TTLL10: variants seen among roughly 807,000 people sequenced by gnomAD.
TTLL10 encodes tubulin tyrosine ligase like 10.
A neutral mutation model predicts 69.0 loss-of-function variants in TTLL10; 61 were observed. The observed-to-expected ratio is 0.88, with a 90% CI of 0.72 to 1.09. The LOEUF (loss-of-function observed/expected upper bound fraction) is 1.09, where lower values mean the gene tolerates loss of function less well. TTLL10 is among the 50% of genes least tolerant of loss of function. TTLL10 has a pLI of 0.00. For synonymous variants in TTLL10, 408 were observed against 393.3 expected, an observed-to-expected ratio of 1.04 and a Z score of -0.44; for missense variants, 962 against 945.9, an observed-to-expected ratio of 1.02 and a Z score of -0.22.
chr1:1,192,012 G>A (rs1016739409), intron 13 of TTLL10, among the ~76,000 whole-genome samples: 3 of 152,238 alleles, frequency 2.0e-5, no homozygotes, highest in Non-Finnish European at 2.9e-5. Flanking sequence ...GGGCGTTAGG[G>A]CCATTGTGAA....
At chr1:1,186,857 T>G (rs1261287879) in intron 13 of TTLL10, among the ~76,000 whole-genome samples, 1 of 151,596 alleles carries the variant, frequency 6.6e-6, no homozygotes, top group Non-Finnish European at 1.5e-5. Flanking sequence ...TTTGTTTTTT[T>G]TTTTTTGAGA....
intron 13 of TTLL10, among the ~76,000 whole-genome samples, chr1:1,190,096 A>G (rs755012307): frequency 5.3e-5 from 8 of 149,596 alleles, no homozygotes; most frequent in Non-Finnish European, 1.2e-4. Context: ...TGGGGGACAG[A>G]GCGAGACCCC....
At position 1,197,780 on chromosome 1, in the gene TTLL10, C is replaced by A; in HGVS notation, c.1955C>A (p.Pro652Gln). The A allele has an allele frequency of 6.5e-7, 1 of 1,533,018 alleles. No homozygotes were observed. The highest frequency in any genetic ancestry group is 8.8e-7 in the Non-Finnish European group (1 of 1,141,304). The allele number at this position is 1,533,018 out of a possible 1,614,324, so 95.0% of individuals were successfully genotyped here. The change falls in exon 16 of 16, where the codon CCG becomes CAG. Residue 652 changes from proline (P) to glutamine (Q), a missense_variant. Transcript: ENST00000379289. ...CAGTCGGGCACAGGCAACAGGCACC[C>A]GGCGCAAGAGCCTTCCCCGGGGACA... ...TEQSGTGNRH[P>Q]AQEPSPGTAK... is the part of the protein sequence containing the mutation.
At position 1,192,798 on chromosome 1, in the gene TTLL10, ATGAGTGTAGACACTCCAGTTGG is replaced by A. The variant is rs1486892121; in HGVS notation, c.1402-3800_1402-3779del. 2.5e-5 allele frequency among the ~76,000 whole-genome samples: 3 copies of A among 120,172 alleles called. No homozygotes were observed. In the East Asian group the frequency reaches 1.6e-3, roughly 65 times the overall value. The allele number at this position is 120,172 out of a possible 152,430, so 78.8% of individuals were successfully genotyped here. ...TATCAGTGTAGACACTCCAGTTGGTATGAGTGTAGACACTCCAGTTGGTATGAGTGTAGACACTCCAGTTGGT... is the reference window on the plus strand; with the variant it reads ...TATCAGTGTAGACACTCCAGTTGGTATATGAGTGTAGACACTCCAGTTGGT... On this transcript the variant is annotated intron_variant, in intron 13 of 15. Transcript: ENST00000379289.
intron 13 of TTLL10, 51 bp from the exon 14 acceptor site, chr1:1,196,549 G>A: frequency 7.2e-7 from 1 of 1,388,700 alleles, no homozygotes; most frequent in Non-Finnish European, 1.0e-6. Flanking sequence ...GACCTGGGGT[G>A]TGATCAGGGC....
At chr1:1,189,837 G>A (rs762136526) in intron 13 of TTLL10, among the ~76,000 whole-genome samples, 4 of 152,118 alleles carry the variant, frequency 2.6e-5, no homozygotes, top group Non-Finnish European at 4.4e-5. Context: ...ATTTCACCAG[G>A]CACGGTGGCT....
rs912238171 is a variant in TTLL10, at chr1:1,185,218, C to T, written c.1401+109C>T. ...TGTCCGTGGCGTGCGTGGGCGGCTG[C>T]GCTGAAGTGTGACCTGACCGTGTGG... On this transcript the variant is annotated intron_variant, in intron 13 of 15. Coordinates refer to ENST00000379289, the MANE Select transcript of TTLL10 (RefSeq NM_001130045.2). This position sits in a 1 kb window ranked among gnomAD's most constrained non-coding sequence, Gnocchi z 6.1. The T allele has an allele frequency of 6.6e-6, 10 of 1,525,436 alleles. No individual in the cohort carries two copies. The highest frequency in any genetic ancestry group is 1.9e-4 in the Middle Eastern group (1 of 5,202). 94.5% of individuals were successfully genotyped at this position (1,525,436 alleles called of 1,614,324 possible). A position where few individuals can be genotyped will look rare whatever the true frequency, so the allele number is the denominator to read the frequency against.
At chr1:1,194,898 C>G (rs923914907) in intron 13 of TTLL10, among the ~76,000 whole-genome samples, 4 of 152,194 alleles carry the variant, frequency 2.6e-5, no homozygotes, top group Admixed American at 6.5e-5. Flanking sequence ...TTTCTCTTCT[C>G]TCCTTCTGGG....
intron 13 of TTLL10, among the ~76,000 whole-genome samples, chr1:1,187,437 C>T (rs1320961549): frequency 6.6e-6 from 1 of 152,080 alleles, no homozygotes; most frequent in Non-Finnish European, 1.5e-5. Context: ...CAAGACCAGC[C>T]TGACCAATAT....
chr1:1,187,777 C>A (rs551966939), intron 13 of TTLL10, among the ~76,000 whole-genome samples: 1 of 151,736 alleles, frequency 6.6e-6, no homozygotes, highest in Non-Finnish European at 1.5e-5. Context: ...TGGTGGCGTG[C>A]ACCTGTAGTC....
intron 14 of TTLL10, 141 bp from the exon 15 acceptor site, chr1:1,196,952 T>C: frequency 1.1e-6 from 1 of 875,228 alleles, no homozygotes; most frequent in Non-Finnish European, 1.8e-6. Context: ...CCCTCAGAGC[T>C]TCAGTGGACA....
Position 1,197,824 on chromosome 1 carries a change from G to A in TTLL10, c.1999G>A (p.Glu667Lys), listed in dbSNP as rs1020191830. 6.0e-5 allele frequency: 91 copies of A among 1,507,372 alleles called. No homozygotes were observed. The highest frequency in any genetic ancestry group is 7.9e-5 in the Non-Finnish European group (89 of 1,127,088). 93.4% of individuals were successfully genotyped at this position (1,507,372 alleles called of 1,614,324 possible). ...GGGGACAGCCAAGGAGGAACGCGAG[G>A]AGCCTGAGAACGCGAGGCCCTAGGG... ...SPGTAKEERE[E>K]PENARP Residue 667 changes from glutamate to lysine, a missense_variant, in exon 16 of 16, where the codon GAG (glutamate) becomes AAG (lysine). Coordinates refer to ENST00000379289, the MANE Select transcript of TTLL10 (RefSeq NM_001130045.2).
chr1:1,186,409 G>A (rs185443619), intron 13 of TTLL10, among the ~76,000 whole-genome samples: 19 of 152,218 alleles, frequency 1.2e-4, no homozygotes, highest in East Asian at 5.8e-4. Flanking sequence ...TTCATACAAC[G>A]TTCCGTCATA....
rs920162735 is a variant in TTLL10, at chr1:1,179,173, G to A, written c.-27-16G>A. On this transcript the variant is annotated splice_polypyrimidine_tract_variant and intron_variant, in intron 3 of 15. Coordinates refer to ENST00000379289, the MANE Select transcript of TTLL10 (RefSeq NM_001130045.2). ...GGAGGTCCCACAGGAGGGTCAGAGC[G>A]GCATCTTCCCTTCAGGGCCCTCGCC... is the stretch of plus-strand genomic sequence containing the variant. 15 of 1,476,190 alleles carry A rather than the reference G, an allele frequency of 1.0e-5. No homozygotes were observed. Among genetic ancestry groups the A allele is most frequent in the Middle Eastern group, 4.5e-4 (2 of 4,422 alleles). The allele number at this position is 1,476,190 out of a possible 1,614,324, so 91.4% of individuals were successfully genotyped here.
At chr1:1,197,317 GC>G in intron 15 of TTLL10, 120 bp from the exon 16 acceptor site, 5 of 1,284,296 alleles carry the variant, frequency 3.9e-6, no homozygotes, top group Non-Finnish European at 5.4e-6. Flanking sequence ...TGGCAGCGCC[GC>G]CCCCTGCCCC....
In TTLL10 at chr1:1,180,865, G is replaced by A; in HGVS notation, c.755+5G>A. ...GCCGGGGGGGGTCCAGGCCAGGTGA[G>A]TCTGCCCCTGCCCCTGCCCCCGTCC... On this transcript the variant is annotated splice_donor_5th_base_variant and intron_variant, in intron 8 of 15. Transcript: ENST00000379289. 6.4e-7 allele frequency: 1 copy of A among 1,557,638 alleles called. No homozygotes were observed. The highest frequency in any genetic ancestry group is 8.7e-7 in the Non-Finnish European group (1 of 1,151,514).
rs369650314 is a variant in TTLL10 at position 1,193,399 on chromosome 1, T to TTAC, written c.1402-3201_1402-3200insTAC. Among the ~76,000 whole-genome samples the TTAC allele has an allele frequency of 6.7e-5, 3 of 44,636 alleles. No individual in the cohort carries two copies. In the African/African-American group the frequency reaches 2.3e-3, roughly 35 times the overall value. 29.3% of individuals were successfully genotyped at this position (44,636 alleles called of 152,430 possible). On this transcript the variant is annotated intron_variant, in intron 13 of 15. Transcript: ENST00000379289. ...TATTTTGTTATTTGTTTTCTATGTC[T>TTAC]GTCTTTTTTTGTTCCTCAGTTTCTC...
At chr1:1,175,899 G>C (rs922503825) in intron 3 of TTLL10, 1 of 442,150 alleles carries the variant, frequency 2.3e-6, no homozygotes, top group East Asian at 7.4e-5. Context: ...CCGCTGTGCC[G>C]GTGGAGAGGC....
chr1:1,179,844 C>T (rs1646990185), intron 5 of TTLL10, 107 bp downstream of exon 5: 3 of 1,457,976 alleles, frequency 2.1e-6, no homozygotes, highest in African/African-American at 1.4e-5. Context: ...GTCACGGCCC[C>T]TCCCCAGATG....
Sources: allele counts gnomAD v4.1 joint callset (sites outside exome capture counted in the v4.1 genomes callset), GRCh38; gene constraint gnomAD v4.1.1; non-coding constraint Gnocchi (gnomAD v3.1); transcripts MANE v1.5; gene names NCBI Gene and HGNC (gene_info 2026-07-23, HGNC 2026-07-21).